The following LDB2 variants were observed in gnomAD, a reference collection of about 807,000 sequenced individuals.
LDB2 encodes the protein LIM domain binding 2.
A neutral mutation model predicts 44.3 loss-of-function variants in LDB2; 12 were observed. The ratio of observed to expected loss-of-function variants is 0.27; its 90% CI spans 0.17 to 0.44. The LOEUF (loss-of-function observed/expected upper bound fraction) is 0.44. Ranked by LOEUF, LDB2 falls within the 20% of genes least tolerant of loss-of-function variation. The pLI, the probability that LDB2 is intolerant of heterozygous loss-of-function variation, is 1.00. For synonymous variants in LDB2, 164 were observed against 174.8 expected, an observed-to-expected ratio of 0.94 and a Z score of 0.49; for missense variants, 344 against 473.5, an observed-to-expected ratio of 0.73 and a Z score of 2.54.
intron 5 of LDB2, among the ~76,000 whole-genome samples, chr4:16,565,294 G>C (rs1744089825): frequency 6.6e-6 from 1 of 152,088 alleles, no homozygotes; most frequent in African/African-American, 2.4e-5. Flanking sequence ...TGCATGTAAA[G>C]AAATTAAAAT....
chr4:16,665,918 T>A (rs577205866), intron 2 of LDB2, among the ~76,000 whole-genome samples: 1 of 151,976 alleles, frequency 6.6e-6, no homozygotes, highest in South Asian at 2.1e-4. Context: ...GAGGCAGAGA[T>A]TGAAGTGATG....
chr4:16,834,727 T>G lies in LDB2; in HGVS notation c.132+63627A>C, dbSNP rs201774074. 2.6e-4 allele frequency among the ~76,000 whole-genome samples: 39 copies of G among 151,950 alleles called. 1 individual carries two copies. In the East Asian group the frequency reaches 7.6e-3, roughly 30 times the overall value. On this transcript the variant is annotated intron_variant, in intron 1 of 7. Coordinates refer to ENST00000304523, the MANE Select transcript of LDB2 (RefSeq NM_001290.5). ...GTGTAATCCCCTCTACTGGGGAGGCTGAGGCAGAAGAATGGCTTGAACCCC... is the reference window on the plus strand; with the variant it reads ...GTGTAATCCCCTCTACTGGGGAGGCGGAGGCAGAAGAATGGCTTGAACCCC...
intron 1 of LDB2, among the ~76,000 whole-genome samples, chr4:16,868,714 A>C (rs1715510678): frequency 6.6e-6 from 1 of 152,198 alleles, no homozygotes; most frequent in Non-Finnish European, 1.5e-5. Flanking sequence ...TTCACATAGG[A>C]CACCAATTGC....
intron 2 of LDB2, among the ~76,000 whole-genome samples, chr4:16,676,726 C>G (rs920694717): frequency 1.2e-4 from 19 of 152,180 alleles, no homozygotes; most frequent in African/African-American, 4.6e-4. Flanking sequence ...GGGACACTTG[C>G]TTTCAGAAAC....
intron 1 of LDB2, among the ~76,000 whole-genome samples, chr4:16,844,898 T>C (rs1786652795): frequency 6.6e-6 from 1 of 152,156 alleles, no homozygotes. Context: ...AAATGGATTG[T>C]GGTCTGTGGT....
intron 2 of LDB2, chr4:16,674,059 C>T (rs978003655): frequency 1.4e-5 from 5 of 364,554 alleles, no homozygotes; most frequent in Non-Finnish European, 2.7e-5. Context: ...TAGTGTTTAC[C>T]AAGTGCTCTC....
intron 2 of LDB2, among the ~76,000 whole-genome samples, chr4:16,642,206 T>C (rs1168806592): frequency 6.6e-6 from 1 of 152,042 alleles, no homozygotes; most frequent in East Asian, 1.9e-4. Flanking sequence ...CTAGATAATA[T>C]GGGAGAGAGG....
At chr4:16,757,425 G>C (rs955462991) in intron 2 of LDB2, among the ~76,000 whole-genome samples, 1 of 152,158 alleles carries the variant, frequency 6.6e-6, no homozygotes, top group Non-Finnish European at 1.5e-5. Context: ...ATGGAGATAA[G>C]ATCTTAAACA....
intron 1 of LDB2, among the ~76,000 whole-genome samples, chr4:16,789,993 C>G (rs1775357362): frequency 6.6e-6 from 1 of 152,146 alleles, no homozygotes; most frequent in Non-Finnish European, 1.5e-5. Flanking sequence ...ATTCTATAGA[C>G]AAGAAAGTCA....
At chr4:16,838,951 G>A (rs1169501839) in intron 1 of LDB2, among the ~76,000 whole-genome samples, 2 of 152,148 alleles carry the variant, frequency 1.3e-5, no homozygotes, top group Non-Finnish European at 2.9e-5. Flanking sequence ...AAATTAAAAT[G>A]TTGCTCTATG....
At chr4:16,814,822 C>CA (rs1193380675) in intron 1 of LDB2, among the ~76,000 whole-genome samples, 1 of 152,148 alleles carries the variant, frequency 6.6e-6, no homozygotes, top group Non-Finnish European at 1.5e-5. Flanking sequence ...ACAGGCAAAT[C>CA]AGAGTTATTT....
intron 1 of LDB2, among the ~76,000 whole-genome samples, chr4:16,777,571 G>T (rs1430964746): frequency 6.6e-6 from 1 of 152,120 alleles, no homozygotes; most frequent in Non-Finnish European, 1.5e-5. Context: ...ACAAGCAATG[G>T]GATATCATAG....
chr4:16,621,578 G>T (rs1728892257), intron 2 of LDB2, among the ~76,000 whole-genome samples: 1 of 151,924 alleles, frequency 6.6e-6, no homozygotes, highest in South Asian at 2.1e-4. Flanking sequence ...TCAGAGACAG[G>T]GTCTTGCTCT....
At chr4:16,508,435 A>ATTT in intron 7 of LDB2, 100 bp downstream of exon 7, 45 of 841,324 alleles carry the variant, frequency 5.3e-5, no homozygotes, top group East Asian at 2.2e-4. Context: ...CCTGCCCAGG[A>ATTT]TTTTTTTTTT....
intron 1 of LDB2, among the ~76,000 whole-genome samples, chr4:16,777,595 A>C (rs1277573323): frequency 6.6e-6 from 1 of 152,170 alleles, no homozygotes; most frequent in Non-Finnish European, 1.5e-5. Flanking sequence ...GGCTTTAAGC[A>C]GGCATGTGTC....
chr4:16,835,632 G>T (rs1275979966), intron 1 of LDB2, among the ~76,000 whole-genome samples: 1 of 152,150 alleles, frequency 6.6e-6, no homozygotes. Context: ...GAATTGCTAG[G>T]TCATTGGGAT....
At chr4:16,806,961 T>G (rs1403170844) in intron 1 of LDB2, among the ~76,000 whole-genome samples, 4 of 152,222 alleles carry the variant, frequency 2.6e-5, no homozygotes. Context: ...AAATGCTATA[T>G]ACACATTATT....
At chr4:16,608,933 A>G (rs1724768915) in intron 2 of LDB2, among the ~76,000 whole-genome samples, 1 of 152,136 alleles carries the variant, frequency 6.6e-6, no homozygotes, top group Admixed American at 6.5e-5. Context: ...ATTAAAAACT[A>G]ATAAGAAGGT....
At chr4:16,559,673 C>A (rs1741292727) in intron 5 of LDB2, among the ~76,000 whole-genome samples, 1 of 152,056 alleles carries the variant, frequency 6.6e-6, no homozygotes, top group African/African-American at 2.4e-5. Flanking sequence ...AGAAAGTCAA[C>A]AAGGATACCC....
Sources: allele counts gnomAD v4.1 joint callset (sites outside exome capture counted in the v4.1 genomes callset), GRCh38; gene constraint gnomAD v4.1.1; transcripts MANE v1.5; gene names NCBI Gene and HGNC (gene_info 2026-07-23, HGNC 2026-07-21).